MAML3: variants seen among roughly 807,000 people sequenced by gnomAD.
MAML3 encodes the protein mastermind like transcriptional coactivator 3.
A neutral mutation model predicts 101.9 loss-of-function variants in MAML3; 27 were observed. The observed-to-expected ratio is 0.27, with a 90% CI of 0.20 to 0.37. The LOEUF is 0.37. MAML3 is among the 10% of genes least tolerant of loss of function. The pLI is 1.00. For synonymous variants in MAML3, 501 were observed against 555.9 expected, an observed-to-expected ratio of 0.90 and a Z score of 1.39; for missense variants, 1,316 against 1,444.9, an observed-to-expected ratio of 0.91 and a Z score of 1.45.
intron 1 of MAML3, among the ~76,000 whole-genome samples, chr4:139,909,077 T>G (rs1294493389): frequency 6.6e-6 from 1 of 152,208 alleles, no homozygotes; most frequent in Non-Finnish European, 1.5e-5. Context: ...GGTCTGGGGC[T>G]TAGCATAGGA....
intron 2 of MAML3, among the ~76,000 whole-genome samples, chr4:139,880,930 T>C (rs183919425): frequency 6.6e-5 from 10 of 152,164 alleles, no homozygotes; most frequent in African/African-American, 2.4e-4. Context: ...AGATGGGAGA[T>C]GGCAATAGGA....
chr4:139,775,329 A>G (rs1188273227), intron 2 of MAML3, among the ~76,000 whole-genome samples: 2 of 152,166 alleles, frequency 1.3e-5, no homozygotes, highest in Non-Finnish European at 2.9e-5. Flanking sequence ...ATAACCCCCT[A>G]CAGGATAAAC....
At chr4:140,042,693 G>T (rs1727106768) in intron 1 of MAML3, among the ~76,000 whole-genome samples, 1 of 152,102 alleles carries the variant, frequency 6.6e-6, no homozygotes, top group South Asian at 2.1e-4. Flanking sequence ...TCATTTGTCT[G>T]ACCCAGTCAC....
chr4:139,720,465 GATT>G, intron 4 of MAML3, 142 bp from the exon 5 acceptor site: 2 of 795,950 alleles, frequency 2.5e-6, no homozygotes, highest in African/African-American at 1.7e-5. Context: ...TAACAAAAAT[GATT>G]ATTTTTCTGA....
intron 2 of MAML3, among the ~76,000 whole-genome samples, chr4:139,889,009 A>G (rs924134305): frequency 3.9e-4 from 59 of 152,292 alleles, no homozygotes; most frequent in African/African-American, 1.3e-3. Context: ...GGGATCATGC[A>G]AGCTGGGAGA....
chr4:140,125,014 C>G (rs1330411426), intron 1 of MAML3, among the ~76,000 whole-genome samples: 1 of 152,136 alleles, frequency 6.6e-6, no homozygotes, highest in Admixed American at 6.5e-5. Flanking sequence ...TAATTGTTTT[C>G]TAATGTCCTT....
chr4:139,853,076 T>G (rs1490740602), intron 2 of MAML3, among the ~76,000 whole-genome samples: 1 of 152,220 alleles, frequency 6.6e-6, no homozygotes, highest in Non-Finnish European at 1.5e-5. Context: ...ACAGAATGAC[T>G]AGGTGACCAG....
chr4:139,745,366 T>C (rs1579385494), intron 2 of MAML3, among the ~76,000 whole-genome samples: 3 of 152,106 alleles, frequency 2.0e-5, no homozygotes, highest in Admixed American at 2.0e-4. Context: ...TAGTGTCAGG[T>C]AAGCTAGTGT....
intron 2 of MAML3, among the ~76,000 whole-genome samples, chr4:139,839,799 C>A (rs1262349422): frequency 6.6e-6 from 1 of 152,026 alleles, no homozygotes; most frequent in Non-Finnish European, 1.5e-5. Context: ...TTATAAATGA[C>A]CTGCAGAGAG....
intron 2 of MAML3, among the ~76,000 whole-genome samples, chr4:139,850,792 C>T (rs1024723287): frequency 8.6e-5 from 13 of 151,974 alleles, no homozygotes; most frequent in Non-Finnish European, 1.6e-4. Context: ...GATTTACACA[C>T]CTCAGCCTCC....
chr4:140,029,915 A>T (rs1291963413), intron 1 of MAML3, among the ~76,000 whole-genome samples: 1 of 152,216 alleles, frequency 6.6e-6, no homozygotes, highest in East Asian at 1.9e-4. Flanking sequence ...CTGACAAAAT[A>T]AGATGATGAA....
chr4:140,046,284 G>A (rs562134937), intron 1 of MAML3, among the ~76,000 whole-genome samples: 2 of 152,244 alleles, frequency 1.3e-5, no homozygotes, highest in East Asian at 1.9e-4. Context: ...GTGTGAGATC[G>A]TGGCTAGTTT....
chr4:139,737,087 G>C (rs2111011018), intron 2 of MAML3, among the ~76,000 whole-genome samples: 1 of 152,262 alleles, frequency 6.6e-6, no homozygotes, highest in East Asian at 1.9e-4. Flanking sequence ...CATGACTGAG[G>C]AAGGGCGAGT....
Position 140,052,364 on chromosome 4 carries a change from T to C in MAML3, c.468+100496A>G, listed in dbSNP as rs1458008133. Among the ~76,000 whole-genome samples the C allele has an allele frequency of 2.0e-5, 3 of 152,198 alleles. No individual in the cohort carries two copies. The East Asian group carries it at 5.8e-4, about 29-fold the overall frequency. ...ACAGTGACATTTTCATTCTTTTCCA[T>C]AGAATTTCCCACTGGCAGAACACAC... On this transcript the variant is annotated intron_variant, in intron 1 of 4. Transcript: ENST00000509479.
chr4:140,067,044 T>A (rs78185719), intron 1 of MAML3, among the ~76,000 whole-genome samples: 2,617 of 152,320 alleles, frequency 0.017, 39 homozygotes, highest in South Asian at 0.03. Context: ...CATCTATGAA[T>A]CCCTGAATAA....
intron 2 of MAML3, among the ~76,000 whole-genome samples, chr4:139,755,886 A>T (rs192903655): frequency 9.9e-4 from 151 of 152,360 alleles, no homozygotes; most frequent in African/African-American, 3.5e-3. Context: ...TTTCTAATTC[A>T]TTTAATGAAC....
At chr4:139,967,249 C>G (rs926772750) in intron 1 of MAML3, among the ~76,000 whole-genome samples, 1 of 152,050 alleles carries the variant, frequency 6.6e-6, no homozygotes, top group Non-Finnish European at 1.5e-5. Flanking sequence ...CAATGAAAGG[C>G]AGTCGCCCCC....
rs765499606 is a variant in MAML3, at chr4:140,152,984, T to C, written c.344A>G (p.Gln115Arg). Reference protein sequence around the residue: ...LERRDTVSLYQRTLEQRAKKS... With the variant: ...LERRDTVSLYRRTLEQRAKKS... ...CTTGGCCCTCTGCTCCAGGGTCCGC[T>C]GGTAGAGGCTCACGGTGTCCCGGCG... Residue 115 changes from glutamine to arginine, a missense_variant, in exon 1 of 5, where the codon CAG becomes CGG. Physicochemically the swap from Gln to Arg is conservative, Grantham distance 43 (BLOSUM62 1). Transcript: ENST00000509479. 1 of 1,610,184 alleles carries C rather than the reference T, an allele frequency of 6.2e-7. No individual in the cohort carries two copies. The highest frequency in any genetic ancestry group is 8.5e-7 in the Non-Finnish European group (1 of 1,178,434).
At chr4:140,047,714 A>AC (rs1213168796) in intron 1 of MAML3, among the ~76,000 whole-genome samples, 3 of 67,144 alleles carry the variant, frequency 4.5e-5, no homozygotes, top group East Asian at 5.3e-4. Context: ...ATTTACACCC[A>AC]CCCCCCACCC....
Sources: gnomAD v4.1 joint callset for allele counts (sites outside exome capture counted in the v4.1 genomes callset) on GRCh38, gnomAD v4.1.1 for gene constraint, MANE v1.5 for transcripts, NCBI Gene and HGNC (gene_info 2026-07-23, HGNC 2026-07-21) for gene names.